Variants in RTN1 observed in about 807,000 individuals in gnomAD.
The protein encoded by RTN1 is reticulon-1.
RTN1 carries 25 observed loss-of-function variants against 65.5 expected under a neutral mutation model. The ratio of observed to expected loss-of-function variants is 0.38; its 90% CI spans 0.28 to 0.53. The LOEUF (loss-of-function observed/expected upper bound fraction) is 0.53, where lower values mean the gene tolerates loss of function less well. Ranked by LOEUF, RTN1 falls within the 20% of genes least tolerant of loss-of-function variation. RTN1 has a pLI of 0.79. For missense variants in RTN1, 983 were observed against 1,025.4 expected, an observed-to-expected ratio of 0.96 and a Z score of 0.57; for synonymous variants, 471 against 447.6, an observed-to-expected ratio of 1.05 and a Z score of -0.66.
intron 2 of RTN1, among the ~76,000 whole-genome samples, chr14:59,743,836 A>C (rs986478235): frequency 6.6e-6 from 1 of 152,146 alleles, no homozygotes; most frequent in Non-Finnish European, 1.5e-5. Flanking sequence ...GACACCAAGC[A>C]CACTGGATTG....
intron 3 of RTN1, among the ~76,000 whole-genome samples, chr14:59,665,390 C>A (rs1594664363): frequency 1.3e-5 from 2 of 152,250 alleles, no homozygotes; most frequent in Middle Eastern, 6.8e-3. Flanking sequence ...CAAGCAAATG[C>A]TGAGAGATTT....
At chr14:59,669,223 A>G (rs928417630) in intron 3 of RTN1, among the ~76,000 whole-genome samples, 3 of 152,242 alleles carry the variant, frequency 2.0e-5, no homozygotes, top group African/African-American at 7.2e-5. Flanking sequence ...CATCAATGAT[A>G]GACTGGATTA....
At chr14:59,641,186 T>C (rs1882773173) in intron 3 of RTN1, among the ~76,000 whole-genome samples, 1 of 152,258 alleles carries the variant, frequency 6.6e-6, no homozygotes, top group Admixed American at 6.5e-5. Flanking sequence ...CAGGCTGGTC[T>C]TGAACTCCTG....
intron 1 of RTN1, among the ~76,000 whole-genome samples, chr14:59,749,500 TC>T (rs1290050500): frequency 5.4e-5 from 4 of 74,092 alleles, no homozygotes; most frequent in African/African-American, 2.2e-4. Flanking sequence ...TCTATATATA[TC>T]TATATATAGA....
At chr14:59,830,124 C>G (rs2139639843) in intron 1 of RTN1, among the ~76,000 whole-genome samples, 1 of 152,340 alleles carries the variant, frequency 6.6e-6, no homozygotes, top group Non-Finnish European at 1.5e-5. Flanking sequence ...GTTTAGCCCT[C>G]TGCCCACCAG....
intron 3 of RTN1, among the ~76,000 whole-genome samples, chr14:59,637,281 C>T (rs183459086): frequency 3.3e-5 from 5 of 152,320 alleles, no homozygotes; most frequent in African/African-American, 1.2e-4. Context: ...ACTCCTCATC[C>T]ATTCAAGTTT....
intron 1 of RTN1, among the ~76,000 whole-genome samples, chr14:59,778,382 T>C (rs374196999): frequency 6.6e-6 from 1 of 152,210 alleles, no homozygotes; most frequent in Non-Finnish European, 1.5e-5. Context: ...TCCTGTGCTA[T>C]AGATATTTTA....
At chr14:59,715,671 C>T (rs2139461538) in intron 3 of RTN1, among the ~76,000 whole-genome samples, 2 of 152,050 alleles carry the variant, frequency 1.3e-5, no homozygotes, top group Middle Eastern at 3.4e-3. Flanking sequence ...ACTAATAATA[C>T]AAAAATTAGC....
In RTN1 at chr14:59,749,565, A is replaced by AGATATC. The variant is rs1215245033; in HGVS notation, c.242-3085_242-3084insGATATC. Among the ~76,000 whole-genome samples, 217 of 34,266 alleles carry AGATATC rather than the reference A, an allele frequency of 6.3e-3. 9 individuals are homozygous for AGATATC. Among genetic ancestry groups the AGATATC allele is most frequent in the Admixed American group, 8.1e-3 (15 of 1,842 alleles). The allele number at this position is 34,266 out of a possible 152,430, so 22.5% of individuals were successfully genotyped here. A position where few individuals can be genotyped will look rare whatever the true frequency, so the allele number is the denominator to read the frequency against. On this transcript the variant is annotated intron_variant, in intron 1 of 8. Coordinates refer to ENST00000267484, the MANE Select transcript of RTN1 (RefSeq NM_021136.3). ...TATATATTTATATAGATATCTATAT[A>AGATATC]TAGATATATATATATAGATATTTAT... is the stretch of plus-strand genomic sequence containing the variant.
Position 59,727,212 on chromosome 14 carries a change from T to A in RTN1, c.1472A>T (p.Lys491Met). 6.4e-7 allele frequency: 1 copy of A among 1,573,774 alleles called. No individual in the cohort carries two copies. Among genetic ancestry groups the A allele is most frequent in the Non-Finnish European group, 8.6e-7 (1 of 1,160,018 alleles). Residue 491 changes from lysine (K) to methionine (M), a missense_variant, in exon 3 of 9, where the codon AAG (lysine) becomes ATG (methionine). Physicochemically the swap from Lys to Met is moderately conservative, Grantham distance 95. Transcript: ENST00000267484. The surrounding 1 kb of genome is among the most constrained non-coding windows in gnomAD (Gnocchi z 4.2). ...PKREQDSPPM[K>M]PSALDAIREE... ...CCGGATGGCATCCAGGGCGCTGGGC[T>A]TCATCGGGGGTGAGTCCTGCTCCCG... is the stretch of plus-strand genomic sequence containing the variant.
intron 8 of RTN1, among the ~76,000 whole-genome samples, chr14:59,601,124 C>CCT (rs576817028): frequency 4.0e-4 from 61 of 152,338 alleles, no homozygotes; most frequent in African/African-American, 1.4e-3. Flanking sequence ...CTGGCCTCAG[C>CCT]CTCTCTTCCT....
At chr14:59,602,650 TTAAA>T (rs1171464046) in intron 8 of RTN1, among the ~76,000 whole-genome samples, 1 of 152,166 alleles carries the variant, frequency 6.6e-6, no homozygotes, top group African/African-American at 2.4e-5. Context: ...TAAAAGTAAT[TTAAA>T]TGATTTTTAA....
At chr14:59,707,214 A>ATTTTTAATGTT (rs1884314072) in intron 3 of RTN1, among the ~76,000 whole-genome samples, 1 of 152,244 alleles carries the variant, frequency 6.6e-6, no homozygotes, top group Non-Finnish European at 1.5e-5. Context: ...GTTGAAACAT[A>ATTTTTAATGTT]ATTAATTAGC....
intron 3 of RTN1, among the ~76,000 whole-genome samples, chr14:59,714,582 A>G (rs1884494750): frequency 6.6e-6 from 1 of 152,166 alleles, no homozygotes; most frequent in Non-Finnish European, 1.5e-5. Flanking sequence ...TCCCAGATGT[A>G]ACCCATATCA....
intron 2 of RTN1, among the ~76,000 whole-genome samples, chr14:59,737,630 A>G (rs1885027432): frequency 6.6e-6 from 1 of 152,222 alleles, no homozygotes; most frequent in African/African-American, 2.4e-5. Context: ...TTAAACTACC[A>G]TTGACATTCC....
intron 1 of RTN1, among the ~76,000 whole-genome samples, chr14:59,780,111 G>A (rs1489156394): frequency 6.6e-6 from 1 of 152,172 alleles, no homozygotes; most frequent in South Asian, 2.1e-4. Flanking sequence ...AGGATAAAGG[G>A]TGAAAAGCCA....
chr14:59,750,394 ATAAT>A (rs1250794138), intron 1 of RTN1, among the ~76,000 whole-genome samples: 1 of 57,264 alleles, frequency 1.7e-5, no homozygotes, highest in Non-Finnish European at 2.9e-5. Context: ...TATTATATCT[ATAAT>A]ATATATATTA....
intron 1 of RTN1, among the ~76,000 whole-genome samples, chr14:59,763,480 T>G (rs762573550): frequency 2.0e-5 from 3 of 151,912 alleles, no homozygotes; most frequent in African/African-American, 7.3e-5. Context: ...ATAAATTACA[T>G]GCAATAAATT....
intron 1 of RTN1, among the ~76,000 whole-genome samples, chr14:59,824,066 T>A (rs953614054): frequency 1.3e-5 from 2 of 152,244 alleles, no homozygotes; most frequent in African/African-American, 2.4e-5. Context: ...ATGTCAAACA[T>A]ACCCACCTCT....
Sources: allele counts gnomAD v4.1 joint callset (sites outside exome capture counted in the v4.1 genomes callset), GRCh38; gene constraint gnomAD v4.1.1; non-coding constraint Gnocchi (gnomAD v3.1); transcripts MANE v1.5; gene names NCBI Gene and HGNC (gene_info 2026-07-23, HGNC 2026-07-21).